Variants in MAF observed in about 807,000 individuals in gnomAD.
The protein encoded by MAF is MAF bZIP transcription factor, also known as transcription factor Maf.
MAF carries 10 observed loss-of-function variants against 22.0 expected under a neutral mutation model. That is an observed-to-expected ratio of 0.45 (90% CI 0.28 to 0.77). The LOEUF (loss-of-function observed/expected upper bound fraction) is 0.77. Ranked by LOEUF, MAF falls within the 30% of genes least tolerant of loss-of-function variation. The pLI is 0.12. For synonymous variants in MAF, 337 were observed against 255.8 expected (o/e 1.32, Z -3.03); for missense variants, 544 against 548.4 (o/e 0.99, Z 0.08).
At chr16:79,327,336 T>A in the MAF span, among the ~76,000 whole-genome samples, 21 of 152,108 alleles carry the variant, frequency 1.4e-4, no homozygotes, top group Non-Finnish European at 2.5e-4. Flanking sequence ...CAATGACATT[T>A]ATTATCATAT....
the MAF span, among the ~76,000 whole-genome samples, chr16:79,307,115 A>T: frequency 6.6e-6 from 1 of 152,214 alleles, no homozygotes; most frequent in Non-Finnish European, 1.5e-5. Flanking sequence ...AGAAACAGGG[A>T]CAGTAGGTCT....
At chr16:79,368,768 G>C in the MAF span, among the ~76,000 whole-genome samples, 1 of 152,084 alleles carries the variant, frequency 6.6e-6, no homozygotes, top group African/African-American at 2.4e-5. Flanking sequence ...TCTTCCCTCT[G>C]ATATCCCACA....
the MAF span, among the ~76,000 whole-genome samples, chr16:79,255,664 G>C: frequency 7.2e-5 from 11 of 152,162 alleles, no homozygotes; most frequent in Non-Finnish European, 1.5e-4. Flanking sequence ...TCAACTGTCT[G>C]TACAGATTTG....
chr16:79,392,418 AAGG>A, the MAF span, among the ~76,000 whole-genome samples: 6 of 148,846 alleles, frequency 4.0e-5, no homozygotes, highest in Non-Finnish European at 8.9e-5. Context: ...AGAGAAGAAA[AAGG>A]AGAGGAGAAA....
chr16:79,339,234 TA>T, the MAF span, among the ~76,000 whole-genome samples: 22,565 of 151,988 alleles, frequency 0.15, 3,249 homozygotes, highest in African/African-American at 0.37. Context: ...CACGCCCGGC[TA>T]AATTTTTTGT....
intron 1 of MAF, chr16:79,597,933 A>G (rs899220021): frequency 9.6e-7 from 1 of 1,040,430 alleles, no homozygotes. Flanking sequence ...GGCAGACTAA[A>G]CTCTCAGATT....
At chr16:79,478,490 A>C in the MAF span, among the ~76,000 whole-genome samples, 1 of 152,120 alleles carries the variant, frequency 6.6e-6, no homozygotes, top group Non-Finnish European at 1.5e-5. Context: ...AGCCACAATC[A>C]CTAGCAGTGG....
At chr16:79,504,771 T>A in the MAF span, among the ~76,000 whole-genome samples, 5 of 152,224 alleles carry the variant, frequency 3.3e-5, no homozygotes, top group African/African-American at 1.2e-4. Context: ...TACATTGGAC[T>A]AAAGAAGCTG....
At chr16:79,527,654 C>A in the MAF span, among the ~76,000 whole-genome samples, 1 of 152,152 alleles carries the variant, frequency 6.6e-6, no homozygotes, top group South Asian at 2.1e-4. Context: ...GGGGTCCCAT[C>A]ACCTTACAAT....
the MAF span, among the ~76,000 whole-genome samples, chr16:79,285,267 T>C: frequency 3.2e-4 from 48 of 152,146 alleles, no homozygotes; most frequent in Admixed American, 2.9e-3. Flanking sequence ...TTTTAATATA[T>C]ACGGCCCCCC....
At chr16:79,544,594 G>C in the MAF span, among the ~76,000 whole-genome samples, 1 of 152,122 alleles carries the variant, frequency 6.6e-6, no homozygotes, top group South Asian at 2.1e-4. Flanking sequence ...ATAACATGGT[G>C]AAACCCCGTC....
At chr16:79,389,344 C>G in the MAF span, among the ~76,000 whole-genome samples, 4 of 152,182 alleles carry the variant, frequency 2.6e-5, no homozygotes, top group Non-Finnish European at 5.9e-5. Flanking sequence ...TCACTACAAC[C>G]TCTGCCTCCT....
chr16:79,247,683 C>T, the MAF span, among the ~76,000 whole-genome samples: 102 of 151,996 alleles, frequency 6.7e-4, no homozygotes, highest in East Asian at 0.018. Flanking sequence ...TAGCTGCAGC[C>T]GGAACAAAGG....
chr16:79,339,265 G>A, the MAF span, among the ~76,000 whole-genome samples: 1 of 151,992 alleles, frequency 6.6e-6, no homozygotes, highest in Non-Finnish European at 1.5e-5. Flanking sequence ...TAGACATGGG[G>A]TTTCACCGTG....
the MAF span, among the ~76,000 whole-genome samples, chr16:79,525,162 A>G: frequency 6.6e-6 from 1 of 152,140 alleles, no homozygotes; most frequent in East Asian, 1.9e-4. Context: ...CCCGGATTTC[A>G]TCGCTCTTGC....
the MAF span, among the ~76,000 whole-genome samples, chr16:79,476,641 A>G: frequency 2.6e-5 from 4 of 152,218 alleles, no homozygotes; most frequent in South Asian, 8.3e-4. Flanking sequence ...CACTCCTAAG[A>G]AAGTTGTGAG....
chr16:79,292,517 G>C, the MAF span, among the ~76,000 whole-genome samples: 6 of 152,154 alleles, frequency 3.9e-5, no homozygotes, highest in African/African-American at 2.4e-5. Flanking sequence ...ACTTGGTTGT[G>C]GCAGTCCTAG....
the MAF span, among the ~76,000 whole-genome samples, chr16:79,576,130 C>T: frequency 2.6e-4 from 39 of 149,970 alleles, no homozygotes; most frequent in African/African-American, 9.6e-4. Context: ...TGTATCACTG[C>T]TCTTGCTTTT....
In MAF at chr16:79,599,300, G is replaced by A; in HGVS notation, c.603C>T (p.Gly201=). 1 of 980,588 alleles carries A rather than the reference G, an allele frequency of 1.0e-6. No homozygotes were observed. Among genetic ancestry groups the A allele is most frequent in the Non-Finnish European group, 1.2e-6 (1 of 828,486 alleles). The allele number at this position is 980,588 out of a possible 1,614,324, so 60.7% of individuals were successfully genotyped here. A position where few individuals can be genotyped will look rare whatever the true frequency, so the allele number is the denominator to read the frequency against. Residue 201 remains glycine, a synonymous_variant, in exon 1 of 2, where the codon GGC becomes GGT. Transcript: ENST00000326043. ...HHHHPTAGAP[G]AAGSAAASAG... Reference sequence around the variant, plus strand: ...CCGAGGCGGCCGCGCTGCCCGCGGCGCCGGGCGCGCCGGCCGTCGGGTGGT... The same window carrying A: ...CCGAGGCGGCCGCGCTGCCCGCGGCACCGGGCGCGCCGGCCGTCGGGTGGT...
Sources: allele counts gnomAD v4.1 joint callset (sites outside exome capture counted in the v4.1 genomes callset), GRCh38; gene constraint gnomAD v4.1.1; transcripts MANE v1.5; gene names NCBI Gene and HGNC (gene_info 2026-07-23, HGNC 2026-07-21).